CARMIL1: variants seen among roughly 807,000 people sequenced by gnomAD.
CARMIL1 encodes the protein capping protein regulator and myosin 1 linker 1.
CARMIL1 carries 90 observed loss-of-function variants against 177.1 expected under a neutral mutation model. That is an observed-to-expected ratio of 0.51 (90% CI 0.43 to 0.61). The LOEUF is 0.61. Among genes scored for constraint, CARMIL1 ranks in the 20% least tolerant of loss-of-function variants. The pLI is 0.00. For missense variants in CARMIL1, 1,380 were observed against 1,667.0 expected, an observed-to-expected ratio of 0.83 and a Z score of 3.00; for synonymous variants, 577 against 606.2, an observed-to-expected ratio of 0.95 and a Z score of 0.71.
intron 29 of CARMIL1, 72 bp downstream of exon 29, chr6:25,556,922 A>G (rs1207310407): frequency 5.1e-5 from 41 of 811,076 alleles, no homozygotes; most frequent in Non-Finnish European, 1.9e-5. Flanking sequence ...TTTTTTTTTT[A>G]AATCTCACCT....
chr6:25,564,003 C>G (rs1049299019), intron 29 of CARMIL1: 13 of 327,622 alleles, frequency 4.0e-5, no homozygotes, highest in Non-Finnish European at 5.7e-5. Context: ...TATTTTGTAT[C>G]ATATTAAGTA....
At chr6:25,552,541 T>A (rs1289517740) in intron 27 of CARMIL1, among the ~76,000 whole-genome samples, 2 of 152,190 alleles carry the variant, frequency 1.3e-5, no homozygotes, top group Non-Finnish European at 2.9e-5. Flanking sequence ...TATGTATACA[T>A]TCATATAATA....
intron 2 of CARMIL1, among the ~76,000 whole-genome samples, chr6:25,330,688 T>TTA (rs777737334): frequency 0.054 from 7,641 of 142,590 alleles, 287 homozygotes; most frequent in Non-Finnish European, 0.088. Flanking sequence ...CCATCTCTAT[T>TTA]AAAAAAAAAA....
At chr6:25,341,889 G>A (rs1226338800) in intron 2 of CARMIL1, among the ~76,000 whole-genome samples, 2 of 152,244 alleles carry the variant, frequency 1.3e-5, no homozygotes, top group Admixed American at 1.3e-4. Context: ...ATGATGATCT[G>A]TGAGGAAGCA....
rs1257269742 is a variant in CARMIL1 at position 25,421,122 on chromosome 6, GC to G, written c.189+959del. Among the ~76,000 whole-genome samples, 5 of 152,310 alleles carry G rather than the reference GC, an allele frequency of 3.3e-5. No individual in the cohort carries two copies. In the East Asian group the frequency reaches 9.6e-4, roughly 29 times the overall value. On this transcript the variant is annotated intron_variant, in intron 3 of 36. Transcript: ENST00000329474. Reference sequence around the variant, plus strand: ...CTGCAAAGCCTCTGCTTCTGTTATTGCTAGAATCTAATAAGTTATTTACTAA... The same window carrying G: ...CTGCAAAGCCTCTGCTTCTGTTATTGTAGAATCTAATAAGTTATTTACTAA...
chr6:25,459,243 T>C (rs924374473), intron 8 of CARMIL1, among the ~76,000 whole-genome samples: 2 of 99,216 alleles, frequency 2.0e-5, no homozygotes, highest in East Asian at 3.1e-4. Context: ...TCTTTCTTTC[T>C]TTCTTTCTTT....
chr6:25,604,783 T>G, intron 33 of CARMIL1, 29 bp from the exon 34 acceptor site: 2 of 1,536,370 alleles, frequency 1.3e-6, no homozygotes, highest in Non-Finnish European at 1.8e-6. Flanking sequence ...ATGTGCACTT[T>G]TTGGGGGGAT....
At chr6:25,442,242 G>C (rs1797838117) in intron 5 of CARMIL1, among the ~76,000 whole-genome samples, 1 of 150,428 alleles carries the variant, frequency 6.6e-6, no homozygotes. Context: ...AAGAGTTGGT[G>C]TGTTTGTCAT....
rs1759652266 is a variant in CARMIL1 at position 25,620,513 on chromosome 6, A to G, written c.*930A>G. On this transcript the variant is annotated 3_prime_UTR_variant, in exon 37 of 37. Transcript: ENST00000329474. ...TCATATGTATATTTATACCAATAAA[A>G]TGATTTTACAAGTGGAATTTGGGCC... The G allele has an allele frequency of 6.6e-6, 1 of 152,238 alleles. No homozygotes were observed. Among genetic ancestry groups the G allele is most frequent in the Admixed American group, 6.5e-5 (1 of 15,286 alleles). 9.4% of individuals were successfully genotyped at this position (152,238 alleles called of 1,614,324 possible). A position where few individuals can be genotyped will look rare whatever the true frequency, so the allele number is the denominator to read the frequency against.
intron 2 of CARMIL1, among the ~76,000 whole-genome samples, chr6:25,321,120 C>T (rs1211094563): frequency 1.4e-5 from 2 of 143,540 alleles, no homozygotes; most frequent in African/African-American, 5.1e-5. Flanking sequence ...GCCTGAATAG[C>T]TGAGTACCTG....
At chr6:25,325,330 A>G (rs1784984812) in intron 2 of CARMIL1, among the ~76,000 whole-genome samples, 1 of 152,200 alleles carries the variant, frequency 6.6e-6, no homozygotes, top group African/African-American at 2.4e-5. Flanking sequence ...GAGCTGCTTA[A>G]TCTGGGAATA....
chr6:25,398,574 G>A (rs750465329), intron 2 of CARMIL1, among the ~76,000 whole-genome samples: 10 of 152,208 alleles, frequency 6.6e-5, no homozygotes, highest in Non-Finnish European at 1.5e-4. Flanking sequence ...TCCTGTTTAT[G>A]TGATAATCAT....
At chr6:25,464,074 G>T (rs1265875273) in intron 8 of CARMIL1, among the ~76,000 whole-genome samples, 1 of 151,806 alleles carries the variant, frequency 6.6e-6, no homozygotes, top group Non-Finnish European at 1.5e-5. Context: ...CGCCCGTCTC[G>T]GCCTCCCAAA....
intron 27 of CARMIL1, among the ~76,000 whole-genome samples, chr6:25,552,344 T>C (rs1159711696): frequency 1.3e-5 from 2 of 152,162 alleles, no homozygotes; most frequent in African/African-American, 4.8e-5. Flanking sequence ...TTTTGATAGC[T>C]TTGAGTATCA....
At chr6:25,587,055 G>A in intron 31 of CARMIL1, among the ~76,000 whole-genome samples, 1 of 146,842 alleles carries the variant, frequency 6.8e-6, no homozygotes, top group Non-Finnish European at 1.5e-5. Context: ...GGGAGGGGGA[G>A]GGGGAGGGAG....
intron 8 of CARMIL1, among the ~76,000 whole-genome samples, chr6:25,461,013 T>G (rs1399290672): frequency 6.6e-6 from 1 of 152,178 alleles, no homozygotes; most frequent in Non-Finnish European, 1.5e-5. Flanking sequence ...ATCCCAGTAA[T>G]CTTTGTGTTC....
rs76789128 is a variant in CARMIL1 at position 25,336,152 on chromosome 6, G to A, written c.138+51243G>A. ...GTCTCCCCCAACCCCCAGATTTTAG[G>A]TACTGTTTTCTGCCCCCTGTCTCGC... On this transcript the variant is annotated intron_variant, in intron 2 of 36. Transcript: ENST00000329474. Among the ~76,000 whole-genome samples, 892 of 151,552 alleles carry A rather than the reference G, an allele frequency of 5.9e-3. 8 individuals are homozygous for A. The highest frequency in any genetic ancestry group is 0.02 in the African/African-American group (844 of 41,264).
intron 2 of CARMIL1, among the ~76,000 whole-genome samples, chr6:25,299,246 C>G (rs1782668760): frequency 6.7e-6 from 1 of 150,072 alleles, no homozygotes; most frequent in Non-Finnish European, 1.5e-5. Context: ...TCTTAGCTCA[C>G]TGCAACTTCT....
chr6:25,606,143 G>A lies in CARMIL1; in HGVS notation c.3717G>A (p.Ala1239=), dbSNP rs201377282. The A allele has an allele frequency of 1.6e-4, 251 of 1,613,934 alleles. 1 individual carries two copies. The highest frequency in any genetic ancestry group is 6.1e-5 in the Non-Finnish European group (72 of 1,179,888). The stretch of plus-strand genomic sequence containing the variant: ...AGAATACCAAAGCAGAACCCAAAGC[G>A]GAAGCAGGCTCCAGGTCTCGGAGCT... ...PEKNTKAEPK[A]EAGSRSRSSS... Residue 1239 remains alanine (A), a synonymous_variant, in exon 35 of 37, where the codon GCG becomes GCA. Transcript: ENST00000329474.
Sources: allele counts gnomAD v4.1 joint callset (sites outside exome capture counted in the v4.1 genomes callset), GRCh38; gene constraint gnomAD v4.1.1; transcripts MANE v1.5; gene names NCBI Gene and HGNC (gene_info 2026-07-23, HGNC 2026-07-21).